BBS9: variants seen among roughly 807,000 people sequenced by gnomAD.
BBS9 encodes Bardet-Biedl syndrome 9.
In BBS9, 89 loss-of-function variants were observed where a neutral mutation model predicts 117.7. The observed-to-expected ratio is 0.76, with a 90% CI of 0.64 to 0.90. The LOEUF is 0.90. BBS9 is among the 40% of genes least tolerant of loss of function. The pLI, the probability that BBS9 is intolerant of heterozygous loss-of-function variation, is 0.00. For synonymous variants in BBS9, 379 were observed against 370.9 expected (o/e 1.02, Z -0.25); for missense variants, 982 against 1,042.2 (o/e 0.94, Z 0.80).
chr7:33,578,607 G>A (rs953472188), intron 21 of BBS9, among the ~76,000 whole-genome samples: 9 of 152,158 alleles, frequency 5.9e-5, no homozygotes, highest in African/African-American at 1.9e-4. Flanking sequence ...AAGTTACATA[G>A]GAAGTTGAGT....
At chr7:33,615,797 A>C (rs935335701) in intron 21 of BBS9, among the ~76,000 whole-genome samples, 1 of 152,068 alleles carries the variant, frequency 6.6e-6, no homozygotes, top group Non-Finnish European at 1.5e-5. Flanking sequence ...TCAAAGATAA[A>C]GGAAATTCTT....
intron 21 of BBS9, among the ~76,000 whole-genome samples, chr7:33,596,837 C>T (rs1241815775): frequency 1.3e-5 from 2 of 152,240 alleles, no homozygotes; most frequent in East Asian, 3.9e-4. Context: ...TCCTGCCCAT[C>T]CCCCTTCCTT....
downstream of BBS9, among the ~76,000 whole-genome samples, chr7:33,608,225 T>C (rs182791797): frequency 2.6e-5 from 4 of 152,180 alleles, no homozygotes; most frequent in East Asian, 7.7e-4. Flanking sequence ...AGACATGATC[T>C]TTTTTATAAC....
chr7:33,562,482 C>T (rs564344575), intron 21 of BBS9, among the ~76,000 whole-genome samples: 1 of 152,284 alleles, frequency 6.6e-6, no homozygotes, highest in South Asian at 2.1e-4. Flanking sequence ...ATTCCTTCTT[C>T]CCCCAAATTT....
At chr7:33,483,336 C>A (rs180912883) in intron 19 of BBS9, among the ~76,000 whole-genome samples, 1 of 152,108 alleles carries the variant, frequency 6.6e-6, no homozygotes, top group Non-Finnish European at 1.5e-5. Context: ...GTAAATTTTC[C>A]GGAACTTTCT....
chr7:33,433,431 C>T (rs1834829256), intron 19 of BBS9, among the ~76,000 whole-genome samples: 1 of 152,178 alleles, frequency 6.6e-6, no homozygotes, highest in Admixed American at 6.5e-5. Context: ...TACCGTGATC[C>T]AGCAGAGATA....
Position 33,604,955 on chromosome 7 carries a change from C to T in BBS9, c.2612C>T (p.Thr871Ile). The change falls in exon 22 of 23, where the codon ACT (threonine) becomes ATT (isoleucine). Residue 871 changes from threonine (T) to isoleucine (I), a missense_variant. By Grantham distance (89) the Thr-to-Ile change is moderately conservative. Coordinates refer to ENST00000242067, the MANE Select transcript of BBS9 (RefSeq NM_198428.3). ...CTGTTTACCAACCACAGACATCTCA[C>T]TGCAGAGACACCCAGGCCTGGTAAG... ...TELFTNHRHLTAETPRPEVSP... is the reference protein window; with the variant it reads ...TELFTNHRHLIAETPRPEVSP... 1.2e-6 allele frequency: 2 copies of T among 1,611,630 alleles called. No homozygotes were observed. The highest frequency in any genetic ancestry group is 8.5e-7 in the Non-Finnish European group (1 of 1,177,778).
At chr7:33,250,614 T>C (rs772749803) in intron 5 of BBS9, among the ~76,000 whole-genome samples, 8 of 152,250 alleles carry the variant, frequency 5.3e-5, no homozygotes, top group Non-Finnish European at 7.3e-5. Flanking sequence ...GATTTATTTA[T>C]TTATTTTTGA....
At chr7:33,375,761 A>G (rs1823757264) in intron 17 of BBS9, among the ~76,000 whole-genome samples, 1 of 151,548 alleles carries the variant, frequency 6.6e-6, no homozygotes, top group African/African-American at 2.4e-5. Flanking sequence ...CCAGCTAATT[A>G]TTTTGTATAT....
intron 5 of BBS9, among the ~76,000 whole-genome samples, chr7:33,178,378 A>G (rs1488473133): frequency 1.3e-5 from 2 of 152,184 alleles, no homozygotes; most frequent in African/African-American, 4.8e-5. Context: ...ATTAGCACAA[A>G]GGCCACCTTC....
At chr7:33,180,904 C>T (rs1014679078) in intron 5 of BBS9, among the ~76,000 whole-genome samples, 3 of 152,106 alleles carry the variant, frequency 2.0e-5, no homozygotes, top group African/African-American at 7.2e-5. Flanking sequence ...CCGTGGCGAC[C>T]AGGTAACTCT....
chr7:33,427,019 G>A (rs1275401424), intron 19 of BBS9, among the ~76,000 whole-genome samples: 2 of 152,134 alleles, frequency 1.3e-5, no homozygotes, highest in Admixed American at 6.6e-5. Flanking sequence ...CAAGGTTTAA[G>A]CATGATTACT....
At chr7:33,281,961 CA>C (rs1383203278) in intron 9 of BBS9, among the ~76,000 whole-genome samples, 1 of 151,774 alleles carries the variant, frequency 6.6e-6, no homozygotes, top group Admixed American at 6.6e-5. Flanking sequence ...ACTATAGGTA[CA>C]TGCCATCACA....
chr7:33,198,405 T>G (rs1785277340), intron 5 of BBS9, among the ~76,000 whole-genome samples: 1 of 152,026 alleles, frequency 6.6e-6, no homozygotes, highest in African/African-American at 2.4e-5. Context: ...TAAAAGTGCA[T>G]GTTTCCAAGG....
chr7:33,315,340 T>A (rs1444709104), intron 9 of BBS9, among the ~76,000 whole-genome samples: 2 of 152,146 alleles, frequency 1.3e-5, no homozygotes, highest in Non-Finnish European at 2.9e-5. Flanking sequence ...CAAGGCTCTC[T>A]CCCCTGTGTT....
chr7:33,295,338 C>T (rs1203607278), intron 9 of BBS9, among the ~76,000 whole-genome samples: 1 of 151,972 alleles, frequency 6.6e-6, no homozygotes, highest in Non-Finnish European at 1.5e-5. Flanking sequence ...CTGAACAGCA[C>T]TTTAAAAATT....
rs763188644 is a variant in BBS9, at chr7:33,604,905, A to G, written c.2562A>G (p.Arg854=). ...TCCCAGAGTCAGACCTAGAAGAAAG[A>G]TCAGTAGAACAAGACTCTACAGAAC... ...TTIPESDLEE[R]SVEQDSTELF... Residue 854 remains arginine, a synonymous_variant, in exon 22 of 23, where the codon AGA becomes AGG. Coordinates refer to ENST00000242067, the MANE Select transcript of BBS9 (RefSeq NM_198428.3). 3.7e-6 allele frequency: 6 copies of G among 1,613,716 alleles called. No individual in the cohort carries two copies. The Admixed American group carries it at 1.0e-4, about 27-fold the overall frequency.
At chr7:33,157,986 G>T (rs988863110) in intron 4 of BBS9, among the ~76,000 whole-genome samples, 1 of 152,132 alleles carries the variant, frequency 6.6e-6, no homozygotes, top group Non-Finnish European at 1.5e-5. Context: ...GGTTACAGAT[G>T]TGTGAGTGTG....
At chr7:33,418,032 G>A (rs574885069) in intron 19 of BBS9, among the ~76,000 whole-genome samples, 3 of 152,172 alleles carry the variant, frequency 2.0e-5, no homozygotes, top group Non-Finnish European at 4.4e-5. Flanking sequence ...ACTCTACCAA[G>A]CACAGTGCCT....
Sources: allele counts gnomAD v4.1 joint callset (sites outside exome capture counted in the v4.1 genomes callset), GRCh38; gene constraint gnomAD v4.1.1; transcripts MANE v1.5; gene names NCBI Gene and HGNC (gene_info 2026-07-23, HGNC 2026-07-21).